The following TOM1 variants were observed in gnomAD, a reference collection of about 807,000 sequenced individuals.
TOM1 encodes the protein target of myb1 membrane trafficking protein.
Under a neutral mutation model 61.3 loss-of-function variants are expected in TOM1, and 38 were observed. The ratio of observed to expected loss-of-function variants is 0.62; its 90% CI spans 0.48 to 0.81. The LOEUF (loss-of-function observed/expected upper bound fraction) is 0.81, where lower values mean the gene tolerates loss of function less well. Ranked by LOEUF, TOM1 falls within the 40% of genes least tolerant of loss-of-function variation. The probability of loss-of-function intolerance (pLI) is 0.00; values close to 1 mark genes in which losing one functional copy is unlikely to be tolerated. For synonymous variants in TOM1, 270 were observed against 268.8 expected, an observed-to-expected ratio of 1.00 and a Z score of -0.04; for missense variants, 591 against 659.6, an observed-to-expected ratio of 0.90 and a Z score of 1.14.
At chr22:35,343,081 ACAC>A (rs1187631991) in intron 12 of TOM1, among the ~76,000 whole-genome samples, 35 of 125,872 alleles carry the variant, frequency 2.8e-4, no homozygotes, top group African/African-American at 5.6e-4. Flanking sequence ...AGCCCTACAC[ACAC>A]CACACCTACA....
chr22:35,322,124 C>G, intron 3 of TOM1, 87 bp downstream of exon 3: 1 of 1,176,856 alleles, frequency 8.5e-7, no homozygotes, highest in Non-Finnish European at 1.3e-6. Flanking sequence ...TCCCAGCCTC[C>G]TCTGAGCTCC....
chr22:35,311,650 G>A (rs1463237154), intron 1 of TOM1, among the ~76,000 whole-genome samples: 5 of 152,226 alleles, frequency 3.3e-5, no homozygotes, highest in Non-Finnish European at 7.3e-5. Context: ...GCCCCAGGCA[G>A]GCAGAGGCAG....
At chr22:35,346,755 G>A (rs549564518) in intron 13 of TOM1, among the ~76,000 whole-genome samples, 175 bp from the exon 14 acceptor site, 30 of 152,246 alleles carry the variant, frequency 2.0e-4, no homozygotes, top group South Asian at 2.1e-4. Context: ...AAGGTCCTAC[G>A]GCTCAGGGAG....
chr22:35,324,038 G>T (rs1032496868), intron 6 of TOM1, 124 bp downstream of exon 6: 25 of 1,205,644 alleles, frequency 2.1e-5, no homozygotes, highest in Admixed American at 2.9e-5. Context: ...AGCCCACAGG[G>T]TATGTGTGGT....
chr22:35,343,328 ACC>A (rs1930120817), intron 12 of TOM1, among the ~76,000 whole-genome samples: 4 of 138,980 alleles, frequency 2.9e-5, no homozygotes, highest in African/African-American at 8.3e-5. Context: ...ACACCTACAC[ACC>A]CCCACACACA....
At chr22:35,319,193 G>C (rs539216650) in intron 2 of TOM1, among the ~76,000 whole-genome samples, 1 of 152,174 alleles carries the variant, frequency 6.6e-6, no homozygotes, top group African/African-American at 2.4e-5. Flanking sequence ...CTTCATGGAC[G>C]TCGCAGCTGC....
At chr22:35,302,959 T>C (rs1925975466) in intron 1 of TOM1, among the ~76,000 whole-genome samples, 1 of 152,152 alleles carries the variant, frequency 6.6e-6, no homozygotes, top group Non-Finnish European at 1.5e-5. Context: ...AGGCCCCTCC[T>C]TGCTGCAGGA....
intron 9 of TOM1, 137 bp downstream of exon 9, chr22:35,333,151 T>G (rs1928985956): frequency 2.9e-6 from 3 of 1,025,654 alleles, no homozygotes; most frequent in Admixed American, 1.8e-5. Context: ...CCCTTCTAAC[T>G]TTTTATGTCC....
At position 35,322,049 on chromosome 22, in the gene TOM1, A is replaced by C. The variant is rs760037000; in HGVS notation, c.216+12A>C. 6.2e-7 allele frequency: 1 copy of C among 1,612,944 alleles called. No homozygotes were observed. Among genetic ancestry groups the C allele is most frequent in the East Asian group, 2.2e-5 (1 of 44,882 alleles). On this transcript the variant is annotated intron_variant, in intron 3 of 14. Transcript: ENST00000449058. The stretch of plus-strand genomic sequence containing the variant: ...TGCTGGCTCTCACAGTGAGTGCCCC[A>C]TCTGTCTGTCCTGTGGCAGGACTAC...
chr22:35,344,354 G>A (rs78955559), intron 12 of TOM1: 7,508 of 152,500 alleles, frequency 0.049, 231 homozygotes, highest in Non-Finnish European at 0.053. Flanking sequence ...CCAAGGGAGT[G>A]GGACCCAGGA....
intron 1 of TOM1, among the ~76,000 whole-genome samples, chr22:35,311,325 C>T (rs534063893): frequency 2.0e-5 from 3 of 152,290 alleles, no homozygotes; most frequent in Non-Finnish European, 2.9e-5. Flanking sequence ...TAACAGGAAA[C>T]GCAACCAGCA....
intron 7 of TOM1, among the ~76,000 whole-genome samples, chr22:35,329,558 T>A (rs751465929): frequency 2.0e-5 from 3 of 152,234 alleles, no homozygotes; most frequent in Non-Finnish European, 2.9e-5. Context: ...GCTAAAAGTT[T>A]GTTTAAAAAG....
chr22:35,330,473 C>T lies in TOM1; in HGVS notation c.892C>T (p.His298Tyr). 3 of 1,611,254 alleles carry T rather than the reference C, an allele frequency of 1.9e-6. No individual in the cohort carries two copies. Among genetic ancestry groups the T allele is most frequent in the Non-Finnish European group, 1.7e-6 (2 of 1,178,666 alleles). ...NDNLNNVFLR[H>Y]ERFERFRTGQ... Reference sequence around the variant, plus strand: ...CAATCTCAACAATGTGTTCCTGCGCCATGAACGGTAGCCCCAGCACCTCCC... The same window carrying T: ...CAATCTCAACAATGTGTTCCTGCGCTATGAACGGTAGCCCCAGCACCTCCC... Residue 298 changes from histidine to tyrosine, a missense_variant, in exon 8 of 15, where the codon CAT becomes TAT. Coordinates refer to ENST00000449058, the MANE Select transcript of TOM1 (RefSeq NM_005488.3).
At chr22:35,325,587 G>T (rs923162301) in intron 6 of TOM1, among the ~76,000 whole-genome samples, 1 of 152,124 alleles carries the variant, frequency 6.6e-6, no homozygotes, top group Non-Finnish European at 1.5e-5. Context: ...GTTTACTTCA[G>T]CCTCAAAGAG....
rs1462181775 is a variant in TOM1 at position 35,327,316 on chromosome 22, A to C, written c.694A>C (p.Arg232=). ...GCTGGAGATGGTGAGTGGGAACGTG[A>C]GGGTGATGTCGGAGATGCTGACGGA... ...SELEMVSGNV[R]VMSEMLTELV... Residue 232 remains arginine (R), a synonymous_variant, in exon 7 of 15, where the codon AGG becomes CGG. Coordinates refer to ENST00000449058, the MANE Select transcript of TOM1 (RefSeq NM_005488.3). 6.2e-7 allele frequency: 1 copy of C among 1,614,050 alleles called. No individual in the cohort carries two copies. The highest frequency in any genetic ancestry group is 8.5e-7 in the Non-Finnish European group (1 of 1,180,016).
intron 2 of TOM1, among the ~76,000 whole-genome samples, chr22:35,319,097 G>A (rs577992337): frequency 5.9e-5 from 9 of 152,332 alleles, no homozygotes; most frequent in Admixed American, 3.9e-4. Context: ...TGAGAGTGAG[G>A]GTGAGGGAAG....
At chr22:35,331,273 T>TC in intron 8 of TOM1, 1 of 210,264 alleles carries the variant, frequency 4.8e-6, no homozygotes, top group Non-Finnish European at 1.0e-5. Context: ...TTTTCTTTTC[T>TC]TTTTTTTTTT....
At chr22:35,343,996 TACA>T (rs1331395214) in intron 12 of TOM1, among the ~76,000 whole-genome samples, 1 of 141,020 alleles carries the variant, frequency 7.1e-6, no homozygotes, top group African/African-American at 2.7e-5. Context: ...CATACAAACC[TACA>T]CTCATACACC....
At chr22:35,325,669 G>A (rs1928246525) in intron 6 of TOM1, among the ~76,000 whole-genome samples, 1 of 152,112 alleles carries the variant, frequency 6.6e-6, no homozygotes, top group South Asian at 2.1e-4. Flanking sequence ...TTAAAGGTGT[G>A]TAAAAAATTG....
Sources: gnomAD v4.1 joint callset for allele counts (sites outside exome capture counted in the v4.1 genomes callset) on GRCh38, gnomAD v4.1.1 for gene constraint, MANE v1.5 for transcripts, NCBI Gene and HGNC (gene_info 2026-07-23, HGNC 2026-07-21) for gene names.